PPIL6: variants seen among roughly 807,000 people sequenced by gnomAD.
PPIL6 encodes the protein peptidylprolyl isomerase like 6.
In PPIL6, 39 loss-of-function variants were observed where a neutral mutation model predicts 36.8. That is an observed-to-expected ratio of 1.06 (90% CI 0.82 to 1.38). The LOEUF (loss-of-function observed/expected upper bound fraction) is 1.38. Among genes scored for constraint, PPIL6 ranks in the 40% most tolerant of loss-of-function variants. The pLI, the probability that PPIL6 is intolerant of heterozygous loss-of-function variation, is 0.00. For missense variants in PPIL6, 368 were observed against 379.1 expected (o/e 0.97, Z 0.24); for synonymous variants, 123 against 134.1 (o/e 0.92, Z 0.57).
At chr6:109,428,571 AC>A (rs1420199363) in intron 3 of PPIL6, among the ~76,000 whole-genome samples, 13 of 150,144 alleles carry the variant, frequency 8.7e-5, no homozygotes, top group Admixed American at 2.0e-4. Flanking sequence ...AAAAAAAAAA[AC>A]CACCTTATTG....
chr6:109,440,480 A>G lies in PPIL6; in HGVS notation c.111T>C (p.Phe37=). The G allele has an allele frequency of 6.5e-7, 1 of 1,539,774 alleles. No homozygotes were observed. ...KVVGLFSCPN[F]QIAKSAAENL... ...CCTCAGCGGCGCTCTTCGCAATCTG[A>G]AAGTTGGGGCAGCTGAAGAGCCCCA... is the stretch of plus-strand genomic sequence containing the variant. The change falls in exon 1 of 8, where the codon TTT becomes TTC. Residue 37 remains phenylalanine (F), a synonymous_variant. Coordinates refer to ENST00000521072, the MANE Select transcript of PPIL6 (RefSeq NM_173672.5).
chr6:109,403,147 T>G (rs923473230), intron 6 of PPIL6: 10 of 1,394,194 alleles, frequency 7.2e-6, no homozygotes, highest in Non-Finnish European at 8.6e-6. Context: ...TAAATTAAAT[T>G]AAATTTTTTT....
Position 109,431,358 on chromosome 6 carries a change from A to AT in PPIL6, c.232-14_232-13insA. ...CATTTTTGAGTTCCTGTAAGGGAAA[A>AT]GGACAAAAAAAAAAAAAAACGTAAG... is the stretch of plus-strand genomic sequence containing the variant. On this transcript the variant is annotated splice_polypyrimidine_tract_variant and intron_variant, in intron 2 of 7. Coordinates refer to ENST00000521072, the MANE Select transcript of PPIL6 (RefSeq NM_173672.5). The AT allele has an allele frequency of 7.3e-7, 1 of 1,373,006 alleles. No homozygotes were observed. The highest frequency in any genetic ancestry group is 9.8e-7 in the Non-Finnish European group (1 of 1,016,608). The allele number at this position is 1,373,006 out of a possible 1,614,324, so 85.1% of individuals were successfully genotyped here.
At chr6:109,416,744 C>G (rs1380763703) in intron 6 of PPIL6, among the ~76,000 whole-genome samples, 1 of 152,006 alleles carries the variant, frequency 6.6e-6, no homozygotes, top group Non-Finnish European at 1.5e-5. Context: ...GATCTTTTAC[C>G]TTCCTTTTGC....
intron 7 of PPIL6, among the ~76,000 whole-genome samples, 187 bp downstream of exon 7, chr6:109,399,848 G>C (rs968705236): frequency 3.9e-5 from 6 of 152,136 alleles, no homozygotes; most frequent in African/African-American, 1.4e-4. Flanking sequence ...GCCAGTTTCT[G>C]TGTTTTTATA....
chr6:109,429,523 AC>A (rs1490677179), intron 3 of PPIL6, among the ~76,000 whole-genome samples: 21 of 151,976 alleles, frequency 1.4e-4, no homozygotes, highest in Admixed American at 2.0e-4. Flanking sequence ...CTTCACTAGA[AC>A]CTAAAGGGGC....
At chr6:109,403,928 G>A (rs1376132178) in intron 6 of PPIL6, among the ~76,000 whole-genome samples, 2 of 152,196 alleles carry the variant, frequency 1.3e-5, no homozygotes, top group African/African-American at 2.4e-5. Context: ...GTGAAGGGAT[G>A]AGGGAGAAAG....
intron 6 of PPIL6, 25 bp from the exon 7 acceptor site, chr6:109,400,195 T>A: frequency 1.3e-6 from 2 of 1,584,082 alleles, no homozygotes; most frequent in East Asian, 2.2e-5. Context: ...AATCAGTAGG[T>A]CATTAGCACA....
intron 5 of PPIL6, among the ~76,000 whole-genome samples, chr6:109,422,290 T>A (rs1376967973): frequency 6.6e-6 from 1 of 152,086 alleles, no homozygotes; most frequent in African/African-American, 2.4e-5. Flanking sequence ...GATTGTGCCA[T>A]TGCACTCCAG....
intron 5 of PPIL6, among the ~76,000 whole-genome samples, chr6:109,423,198 C>T (rs572329440): frequency 1.3e-5 from 2 of 152,130 alleles, no homozygotes; most frequent in African/African-American, 4.8e-5. Context: ...GAAACCCCAT[C>T]TCTACTAAAA....
intron 6 of PPIL6, among the ~76,000 whole-genome samples, chr6:109,405,486 T>A (rs1170362053): frequency 1.3e-5 from 2 of 152,238 alleles, no homozygotes; most frequent in Non-Finnish European, 2.9e-5. Flanking sequence ...GTCTGGAGTC[T>A]GTTGATTGCA....
chr6:109,402,543 A>C (rs1448423828), intron 6 of PPIL6, among the ~76,000 whole-genome samples: 2 of 152,058 alleles, frequency 1.3e-5, no homozygotes, highest in African/African-American at 4.8e-5. Flanking sequence ...CTCAAGAAAA[A>C]AAAAAAGTGC....
At chr6:109,409,547 G>A (rs1772930552) in intron 6 of PPIL6, among the ~76,000 whole-genome samples, 1 of 151,424 alleles carries the variant, frequency 6.6e-6, no homozygotes, top group Non-Finnish European at 1.5e-5. Context: ...CTGGGCGACA[G>A]TGTCGTGAGA....
Position 109,399,262 on chromosome 6 carries a change from C to A in PPIL6, c.824+773G>T, listed in dbSNP as rs548659040. Among the ~76,000 whole-genome samples, 162 of 152,162 alleles carry A rather than the reference C, an allele frequency of 1.1e-3. 1 individual carries two copies. The highest frequency in any genetic ancestry group is 1.6e-4 in the Non-Finnish European group (11 of 68,010). On this transcript the variant is annotated intron_variant, in intron 7 of 7. Transcript: ENST00000521072. ...AGCCGGGACTACAGGTGCATGCCAC[C>A]ACGCCTGGCTAATTTTTTGTATTTT...
At chr6:109,419,324 C>T (rs973718724) in intron 5 of PPIL6, 81 bp from the exon 6 acceptor site, 1 of 949,652 alleles carries the variant, frequency 1.1e-6, no homozygotes, top group Non-Finnish European at 1.7e-6. Context: ...AAAAATTTTG[C>T]TTTCAATGAT....
At chr6:109,427,024 A>G (rs1773854920) in intron 4 of PPIL6, 30 bp from the exon 5 acceptor site, 2 of 1,597,768 alleles carry the variant, frequency 1.3e-6, no homozygotes, top group African/African-American at 2.7e-5. Flanking sequence ...GGTTTCAAAG[A>G]TTAAATATTT....
chr6:109,431,386 G>T (rs1774152083), intron 2 of PPIL6, 41 bp from the exon 3 acceptor site: 3 of 1,422,936 alleles, frequency 2.1e-6, no homozygotes, highest in Admixed American at 4.2e-5. Flanking sequence ...AACGTAAGAA[G>T]TGGGGGGAAA....
chr6:109,422,906 TTC>T (rs1289676824), intron 5 of PPIL6, among the ~76,000 whole-genome samples: 12 of 152,250 alleles, frequency 7.9e-5, no homozygotes, highest in Admixed American at 7.8e-4. Context: ...CGGCTCATTC[TTC>T]TGTTTTTATT....
At position 109,411,265 on chromosome 6, in the gene PPIL6, T is replaced by C. The variant is rs1242604528; in HGVS notation, c.688+7922A>G. 5.3e-5 allele frequency among the ~76,000 whole-genome samples: 8 copies of C among 152,308 alleles called. No homozygotes were observed. The East Asian group carries it at 1.5e-3, about 29-fold the overall frequency. On this transcript the variant is annotated intron_variant, in intron 6 of 7. Transcript: ENST00000521072. ...AGCAGCACCCCGGGGCAGCTTTGCCTACCATGAGCCAACTCTAATGAACTT... is the reference window on the plus strand; with the variant it reads ...AGCAGCACCCCGGGGCAGCTTTGCCCACCATGAGCCAACTCTAATGAACTT...
Sources: allele counts gnomAD v4.1 joint callset (sites outside exome capture counted in the v4.1 genomes callset), GRCh38; gene constraint gnomAD v4.1.1; transcripts MANE v1.5; gene names NCBI Gene and HGNC (gene_info 2026-07-23, HGNC 2026-07-21).